RFX1: variants seen among roughly 807,000 people sequenced by gnomAD.
RFX1 encodes the protein MHC class II regulatory factor RFX1.
Under a neutral mutation model 119.6 loss-of-function variants are expected in RFX1, and 42 were observed. That is an observed-to-expected ratio of 0.35 (90% CI 0.27 to 0.45). The LOEUF (loss-of-function observed/expected upper bound fraction) is 0.45, where lower values mean the gene tolerates loss of function less well. RFX1 is among the 20% of genes least tolerant of loss of function. The probability of loss-of-function intolerance (pLI) is 1.00; values close to 1 mark genes in which losing one functional copy is unlikely to be tolerated. For synonymous variants in RFX1, 628 were observed against 618.5 expected, an observed-to-expected ratio of 1.02 and a Z score of -0.23; for missense variants, 1,118 against 1,368.1, an observed-to-expected ratio of 0.82 and a Z score of 2.88.
chr19:14,005,269 G>A (rs1252887872), intron 1 of RFX1, among the ~76,000 whole-genome samples: 1 of 152,154 alleles, frequency 6.6e-6, no homozygotes, highest in Non-Finnish European at 1.5e-5. Context: ...CATGGACTTT[G>A]ATTTCTGCAA....
At chr19:13,964,087 C>T (rs1437694711) in intron 16 of RFX1, 80 bp from the exon 17 acceptor site, 2 of 1,379,502 alleles carry the variant, frequency 1.4e-6, no homozygotes, top group Non-Finnish European at 1.9e-6. Context: ...CTGCAACCTC[C>T]CTAAGCCTGT....
At chr19:13,979,594 C>A in intron 6 of RFX1, 52 bp from the exon 7 acceptor site, 1 of 1,332,564 alleles carries the variant, frequency 7.5e-7, no homozygotes, top group Non-Finnish European at 1.0e-6. Context: ...TGGCCGTCAA[C>A]CTACCCAGCC....
chr19:13,979,654 G>A (rs909077954), intron 6 of RFX1, 112 bp from the exon 7 acceptor site: 1 of 594,402 alleles, frequency 1.7e-6, no homozygotes, highest in Non-Finnish European at 2.8e-6. Context: ...ATAAGCAAGA[G>A]GCCACCATTC....
At chr19:13,974,354 C>G (rs373309717) in intron 8 of RFX1, among the ~76,000 whole-genome samples, 1 of 152,142 alleles carries the variant, frequency 6.6e-6, no homozygotes, top group Non-Finnish European at 1.5e-5. Context: ...CTTCAGATAT[C>G]GCGTGACGGG....
rs1599475897 is a variant in RFX1, at chr19:13,966,901, G to A, written c.1733-150C>T. 1 of 572,286 alleles carries A rather than the reference G, an allele frequency of 1.7e-6. No individual in the cohort carries two copies. The highest frequency in any genetic ancestry group is 3.0e-5 in the East Asian group (1 of 32,836). The allele number at this position is 572,286 out of a possible 1,614,324, so 35.5% of individuals were successfully genotyped here. On this transcript the variant is annotated intron_variant, in intron 12 of 20. Coordinates refer to ENST00000254325, the MANE Select transcript of RFX1 (RefSeq NM_002918.5). This position sits in a 1 kb window ranked among gnomAD's most constrained non-coding sequence, Gnocchi z 6.3. Reference sequence around the variant, plus strand: ...GGGGTGAGCGCCTGGCCCGGGCCCAGGACGGGCCCAGGAGTGAGGGCCCAC... The same window carrying A: ...GGGGTGAGCGCCTGGCCCGGGCCCAAGACGGGCCCAGGAGTGAGGGCCCAC...
rs747759087 is a variant in RFX1 at position 13,979,483 on chromosome 19, G to T, written c.798C>A (p.Thr266=). 5 of 1,599,954 alleles carry T rather than the reference G, an allele frequency of 3.1e-6. No homozygotes were observed. The highest frequency in any genetic ancestry group is 4.3e-6 in the Non-Finnish European group (5 of 1,172,430). The stretch of plus-strand genomic sequence containing the variant: ...CGTGGACTGGCTGGAGGCCCTGCAC[G>T]GTCAGCGGCTGCACCGGGCCGGGTT... The part of the protein sequence containing the change: ...APKPGPVQPL[T]VQGLQPVHVA... Residue 266 remains threonine, a synonymous_variant, in exon 7 of 21, where the codon ACC becomes ACA. Transcript: ENST00000254325.
rs1382963359 is a variant in RFX1 at position 13,983,260 on chromosome 19, A to G, written c.440T>C (p.Val147Ala). 6.4e-7 allele frequency: 1 copy of G among 1,558,832 alleles called. No individual in the cohort carries two copies. Among genetic ancestry groups the G allele is most frequent in the Non-Finnish European group, 8.6e-7 (1 of 1,157,124 alleles). The change falls in exon 4 of 21, where the codon GTC (valine) becomes GCC (alanine). Residue 147 changes from valine (V) to alanine (A), a missense_variant. By Grantham distance (64) the Val-to-Ala change is moderately conservative (BLOSUM62 0). This residue lies in a region of RFX1 where 542 missense variants were observed against 602.7 expected (regional missense o/e 0.90). Transcript: ENST00000254325. ...QVQGTQQRLL[V>A]QTSVQAKPGH... ...TGGCTTGGCCTGCACGCTCGTCTGG[A>G]CCAGCAGCCGCTGTGGAGACAAGGC... is the stretch of plus-strand genomic sequence containing the variant.
rs1197514385 is a variant in RFX1, at chr19:13,993,519, A to G, written c.319+6T>C. The G allele has an allele frequency of 1.2e-6, 2 of 1,610,154 alleles. No homozygotes were observed. Among genetic ancestry groups the G allele is most frequent in the Non-Finnish European group, 8.5e-7 (1 of 1,178,088 alleles). On this transcript the variant is annotated splice_donor_region_variant and intron_variant, in intron 2 of 20. Coordinates refer to ENST00000254325, the MANE Select transcript of RFX1 (RefSeq NM_002918.5). ...AGTTTTCAGGACACACGAGCGCGGC[A>G]CTTACCAGAGACAGTGACCACGATG...
intron 9 of RFX1, among the ~76,000 whole-genome samples, chr19:13,972,198 ATT>A (rs763759891): frequency 1.3e-4 from 18 of 133,862 alleles, no homozygotes; most frequent in East Asian, 2.1e-4. Context: ...AGTAGACAAC[ATT>A]TTTTTTTTTT....
chr19:13,993,823 A>C lies in RFX1; in HGVS notation c.21T>G (p.Thr7=). The part of the protein sequence containing the change: MATQAY[T]ELQAAPPPSQ... ...ATGGTGGCGGGGCTGCCTGTAGCTC[A>C]GTATACGCCTGTGTTGCCATGCCAA... Residue 7 remains threonine (T), a synonymous_variant, in exon 2 of 21, where the codon ACT becomes ACG. Coordinates refer to ENST00000254325, the MANE Select transcript of RFX1 (RefSeq NM_002918.5). The C allele has an allele frequency of 6.3e-7, 1 of 1,582,866 alleles. No homozygotes were observed. Among genetic ancestry groups the C allele is most frequent in the Non-Finnish European group, 8.5e-7 (1 of 1,170,020 alleles).
chr19:13,995,617 A>G (rs1017834762), intron 1 of RFX1, among the ~76,000 whole-genome samples: 3 of 152,282 alleles, frequency 2.0e-5, no homozygotes, highest in Admixed American at 6.5e-5. Flanking sequence ...TTGGGAGACC[A>G]GGGTGGCTGG....
intron 16 of RFX1, among the ~76,000 whole-genome samples, chr19:13,964,784 T>C (rs1412335161): frequency 6.6e-6 from 1 of 152,202 alleles, no homozygotes; most frequent in Admixed American, 6.5e-5. Flanking sequence ...CCCGGCCTCA[T>C]TTTCTTTCGT....
At chr19:13,964,115 A>T in intron 16 of RFX1, 108 bp from the exon 17 acceptor site, 1 of 1,225,572 alleles carries the variant, frequency 8.2e-7, no homozygotes, top group Non-Finnish European at 1.1e-6. Flanking sequence ...TTCCTAAAAA[A>T]GGAGGGATGT....
intron 18 of RFX1, 57 bp downstream of exon 18, chr19:13,963,481 C>T: frequency 6.6e-7 from 1 of 1,516,562 alleles, no homozygotes; most frequent in East Asian, 2.4e-5. Flanking sequence ...CCTGAGACCC[C>T]CAGGGACGCG....
At chr19:13,993,463 G>A (rs978948045) in intron 2 of RFX1, 62 bp downstream of exon 2, 23 of 1,505,406 alleles carry the variant, frequency 1.5e-5, no homozygotes, top group Non-Finnish European at 2.1e-5. Context: ...TTCACACCCA[G>A]GGTCTAGGCT....
At position 13,969,810 on chromosome 19, in the gene RFX1, A is replaced by G. The variant is rs1055742410; in HGVS notation, c.1496+184T>C. The G allele has an allele frequency of 3.6e-6, 2 of 548,000 alleles. No individual in the cohort carries two copies. Among genetic ancestry groups the G allele is most frequent in the African/African-American group, 3.8e-5 (2 of 52,780 alleles). The allele number at this position is 548,000 out of a possible 1,614,324, so 33.9% of individuals were successfully genotyped here. A position where few individuals can be genotyped will look rare whatever the true frequency, so the allele number is the denominator to read the frequency against. ...GCAAGTAAGGAGGGGTGAGAAGCAC[A>G]TGAGGTGGAAGGCACCGCCAGTGCA... is the stretch of plus-strand genomic sequence containing the variant. On this transcript the variant is annotated intron_variant, in intron 10 of 20. Transcript: ENST00000254325. The surrounding 1 kb of genome is among the most constrained non-coding windows in gnomAD (Gnocchi z 4.5).
Position 13,976,400 on chromosome 19 carries a change from A to G in RFX1, c.929+1592T>C, listed in dbSNP as rs548717161. Among the ~76,000 whole-genome samples the G allele has an allele frequency of 7.9e-5, 12 of 152,326 alleles. No individual in the cohort carries two copies. The East Asian group carries it at 2.3e-3, about 29-fold the overall frequency. On this transcript the variant is annotated intron_variant, in intron 8 of 20. Transcript: ENST00000254325. ...TAGTACTGCAGCAATTTCTGTGGAGATGGGAGAGGGAAGGTGGCATGGAGG... is the reference window on the plus strand; with the variant it reads ...TAGTACTGCAGCAATTTCTGTGGAGGTGGGAGAGGGAAGGTGGCATGGAGG...
chr19:13,997,414 C>T (rs534254223), intron 1 of RFX1, among the ~76,000 whole-genome samples: 1 of 152,262 alleles, frequency 6.6e-6, no homozygotes, highest in East Asian at 1.9e-4. Flanking sequence ...CTGGCCCTAC[C>T]AGGCGGGGCT....
intron 8 of RFX1, 126 bp downstream of exon 8, chr19:13,977,866 T>C: frequency 1.4e-6 from 1 of 695,964 alleles, no homozygotes; most frequent in Non-Finnish European, 2.4e-6. Flanking sequence ...CCTGTGTGTC[T>C]GTCACCTGAG....
Sources: gnomAD v4.1 joint callset for allele counts (sites outside exome capture counted in the v4.1 genomes callset) on GRCh38, gnomAD v4.1.1 for gene constraint, gnomAD v4.1.1 regional missense constraint, Gnocchi (gnomAD v3.1) non-coding constraint, MANE v1.5 for transcripts, NCBI Gene and HGNC (gene_info 2026-07-23, HGNC 2026-07-21) for gene names.